MCCC2: variants seen among roughly 807,000 people sequenced by gnomAD.
MCCC2 encodes the protein methylcrotonyl-CoA carboxylase subunit 2.
Under a neutral mutation model 77.2 loss-of-function variants are expected in MCCC2, and 52 were observed. The ratio of observed to expected loss-of-function variants is 0.67; its 90% confidence interval spans 0.54 to 0.85. The LOEUF (loss-of-function observed/expected upper bound fraction) is 0.85, where lower values mean the gene tolerates loss of function less well. Among genes scored for constraint, MCCC2 ranks in the 40% least tolerant of loss-of-function variants. The pLI is 0.00. For missense variants in MCCC2, 682 were observed against 703.2 expected, an observed-to-expected ratio of 0.97 and a Z score of 0.34; for synonymous variants, 253 against 248.4, an observed-to-expected ratio of 1.02 and a Z score of -0.18.
intron 6 of MCCC2, among the ~76,000 whole-genome samples, chr5:71,618,236 T>C (rs277955): frequency 0.32 from 48,556 of 152,054 alleles, 8,531 homozygotes; most frequent in East Asian, 0.52. Context: ...TGTTAAATGG[T>C]GGCACCTTTG....
intron 13 of MCCC2, among the ~76,000 whole-genome samples, chr5:71,646,742 T>G (rs184497098): frequency 1.1e-3 from 166 of 152,270 alleles, no homozygotes; most frequent in African/African-American, 3.3e-3. Flanking sequence ...ATGGCCACCC[T>G]TTACTCCTGT....
chr5:71,640,852 T>C lies in MCCC2; in HGVS notation c.1000-151T>C, dbSNP rs148769612. The C allele has an allele frequency of 8.5e-3, 6,102 of 719,724 alleles. 60 individuals are homozygous for C. The highest frequency in any genetic ancestry group is 0.015 in the South Asian group (998 of 65,404). The allele number at this position is 719,724 out of a possible 1,614,324, so 44.6% of individuals were successfully genotyped here. A position where few individuals can be genotyped will look rare whatever the true frequency, so the allele number is the denominator to read the frequency against. On this transcript the variant is annotated intron_variant, in intron 10 of 16. Transcript: ENST00000340941. The stretch of plus-strand genomic sequence containing the variant: ...ATGACTTCAGGGCATTAACCAGGCA[T>C]GTCAAATGAAATTCTAGTGAGATTT...
Position 71,634,977 on chromosome 5 carries a change from G to T in MCCC2, c.838G>T (p.Asp280Tyr), listed in dbSNP as rs119103226. 1.7e-5 allele frequency: 28 copies of T among 1,614,120 alleles called. No individual in the cohort carries two copies. In the East Asian group the frequency reaches 6.2e-4, roughly 36 times the overall value. The change falls in exon 9 of 17, where the codon GAT (aspartate) becomes TAT (tyrosine). Residue 280 changes from aspartate (D) to tyrosine (Y), a missense_variant. Transcript: ENST00000340941. Reference sequence around the variant, plus strand: ...AGTAAGTGACCACTGGGCTTTGGATGATCATCATGCCCTTCACTTAACTAG... The same window carrying T: ...AGTAAGTGACCACTGGGCTTTGGATTATCATCATGCCCTTCACTTAACTAG... ...SGVSDHWALD[D>Y]HHALHLTRKV...
intron 10 of MCCC2, 23 bp from the exon 11 acceptor site, chr5:71,640,980 G>A (rs754085618): frequency 1.9e-6 from 3 of 1,601,568 alleles, no homozygotes; most frequent in East Asian, 2.2e-5. Flanking sequence ...ATTTCTCAAG[G>A]CCATTGTTGT....
At chr5:71,633,999 A>G (rs771547424) in intron 8 of MCCC2, among the ~76,000 whole-genome samples, 1 of 152,208 alleles carries the variant, frequency 6.6e-6, no homozygotes. Context: ...CCCAGTCCTA[A>G]AGTAGAGTGT....
chr5:71,610,175 C>T (rs968716503), intron 6 of MCCC2, among the ~76,000 whole-genome samples: 11 of 152,200 alleles, frequency 7.2e-5, no homozygotes, highest in East Asian at 1.9e-4. Context: ...GCCTCGCTGC[C>T]GCCTTGCAGT....
intron 7 of MCCC2, among the ~76,000 whole-genome samples, chr5:71,627,211 A>G (rs549912335): frequency 2.0e-5 from 3 of 152,344 alleles, no homozygotes; most frequent in Admixed American, 6.5e-5. Context: ...CATTGTATGT[A>G]TACACTGTAT....
At chr5:71,622,577 A>T (rs1473444150) in intron 6 of MCCC2, among the ~76,000 whole-genome samples, 5 of 152,056 alleles carry the variant, frequency 3.3e-5, no homozygotes, top group Non-Finnish European at 4.4e-5. Flanking sequence ...CCCCATTTCT[A>T]CCCAGTCCCC....
At chr5:71,615,733 T>G (rs1024203864) in intron 6 of MCCC2, among the ~76,000 whole-genome samples, 2 of 152,174 alleles carry the variant, frequency 1.3e-5, no homozygotes, top group South Asian at 4.1e-4. Flanking sequence ...CCCCAGTTCC[T>G]CCGACAGAGT....
intron 12 of MCCC2, among the ~76,000 whole-genome samples, chr5:71,644,606 T>C (rs1386918303): frequency 1.3e-5 from 2 of 152,160 alleles, no homozygotes; most frequent in Non-Finnish European, 2.9e-5. Flanking sequence ...ATATACTTAT[T>C]TGATAAAAAT....
intron 6 of MCCC2, among the ~76,000 whole-genome samples, chr5:71,612,288 T>G (rs1400114468): frequency 6.6e-6 from 1 of 152,228 alleles, no homozygotes; most frequent in Non-Finnish European, 1.5e-5. Flanking sequence ...GTTTGTCATA[T>G]TTTTATTAAT....
At chr5:71,589,766 A>C (rs907098386) in intron 1 of MCCC2, among the ~76,000 whole-genome samples, 2 of 152,250 alleles carry the variant, frequency 1.3e-5, no homozygotes. Context: ...TGTATTTATC[A>C]TAATGATCCT....
chr5:71,646,994 T>C (rs1747290836), intron 13 of MCCC2, among the ~76,000 whole-genome samples: 1 of 152,220 alleles, frequency 6.6e-6, no homozygotes. Context: ...AAGTGAGATA[T>C]GTCACCTCTC....
chr5:71,656,805 G>C lies in MCCC2; in HGVS notation c.1637G>C (p.Ser546Thr). ...DTRLVLGLSF[S>T]AALNAPIEKT... ...AGACTGGTCTTGGGTCTCAGTTTTA[G>C]TGCAGCCCTCAACGCACCAATAGAG... The change falls in exon 17 of 17, where the codon AGT becomes ACT. Residue 546 changes from serine (S) to threonine (T), a missense_variant. By Grantham distance (58) the Ser-to-Thr change is moderately conservative. Transcript: ENST00000340941. 1 of 1,614,122 alleles carries C rather than the reference G, an allele frequency of 6.2e-7. No homozygotes were observed. Among genetic ancestry groups the C allele is most frequent in the African/African-American group, 1.3e-5 (1 of 75,028 alleles).
chr5:71,628,448 C>A (rs377235682), intron 7 of MCCC2, among the ~76,000 whole-genome samples: 1 of 152,156 alleles, frequency 6.6e-6, no homozygotes, highest in Non-Finnish European at 1.5e-5. Context: ...ATCCAAGAAG[C>A]CTTTGCCTAA....
At chr5:71,629,069 G>A (rs184627674) in intron 7 of MCCC2, among the ~76,000 whole-genome samples, 11 of 152,160 alleles carry the variant, frequency 7.2e-5, no homozygotes, top group Admixed American at 1.3e-4. Context: ...AGCCAGGCAT[G>A]GTGGTGTGCA....
At chr5:71,646,331 A>C in intron 13 of MCCC2, 54 bp downstream of exon 13, 4 of 1,522,754 alleles carry the variant, frequency 2.6e-6, no homozygotes, top group Non-Finnish European at 3.6e-6. Flanking sequence ...CTGTACCATC[A>C]GTGTGGCTCA....
chr5:71,624,453 C>G (rs768127649), intron 6 of MCCC2, among the ~76,000 whole-genome samples: 37 of 150,742 alleles, frequency 2.5e-4, no homozygotes, highest in Non-Finnish European at 5.2e-4. Flanking sequence ...TCTCGGCTTA[C>G]CGCAACCTGT....
At chr5:71,615,568 C>T (rs897996275) in intron 6 of MCCC2, among the ~76,000 whole-genome samples, 1 of 152,090 alleles carries the variant, frequency 6.6e-6, no homozygotes, top group Non-Finnish European at 1.5e-5. Context: ...TCTGCTTTCT[C>T]AGTCAATTTC....
Sources: gnomAD v4.1 joint callset for allele counts (sites outside exome capture counted in the v4.1 genomes callset) on GRCh38, gnomAD v4.1.1 for gene constraint, MANE v1.5 for transcripts, NCBI Gene and HGNC (gene_info 2026-07-23, HGNC 2026-07-21) for gene names.